The following MYBBP1A variants were observed in gnomAD, a reference collection of about 807,000 sequenced individuals.
MYBBP1A encodes MYB binding protein 1a.
MYBBP1A carries 147 observed loss-of-function variants against 136.3 expected under a neutral mutation model. The observed-to-expected ratio is 1.08, with a 90% CI of 0.94 to 1.24. The LOEUF (loss-of-function observed/expected upper bound fraction) is 1.24. Ranked by LOEUF, MYBBP1A falls within the 50% of genes most tolerant of loss-of-function variation. The probability of loss-of-function intolerance (pLI) is 0.00; values close to 1 mark genes in which losing one functional copy is unlikely to be tolerated. For synonymous variants in MYBBP1A, 947 were observed against 735.8 expected, an observed-to-expected ratio of 1.29 and a Z score of -4.65; for missense variants, 2,060 against 1,727.4, an observed-to-expected ratio of 1.19 and a Z score of -3.41.
At position 4,548,382 on chromosome 17, in the gene MYBBP1A, A is replaced by G; in HGVS notation, c.1557-72T>C. 6.2e-7 allele frequency: 1 copy of G among 1,603,016 alleles called. No homozygotes were observed. The highest frequency in any genetic ancestry group is 8.5e-7 in the Non-Finnish European group (1 of 1,174,114). On this transcript the variant is annotated intron_variant, in intron 11 of 25. Transcript: ENST00000254718. The surrounding 1 kb of genome is among the most constrained non-coding windows in gnomAD (Gnocchi z 4.2). ...GTAGCCGCCTCCCTCCGCCCTCCCC[A>G]GGGCTCGGTCTCCCGCCTCTCCAGG...
Position 4,542,778 on chromosome 17 carries a change from G to C in MYBBP1A, c.2893-37C>G, listed in dbSNP as rs769430279. On this transcript the variant is annotated intron_variant, in intron 20 of 25. Transcript: ENST00000254718. ...GAGAGCGAGCTGGGTGAGGCCAGGA[G>C]AGGGGTCCCTGGGATGGGAGCAGAG... 4.9e-5 allele frequency: 79 copies of C among 1,609,346 alleles called. No individual in the cohort carries two copies. The Middle Eastern group carries it at 1.2e-3, about 24-fold the overall frequency.
Position 4,554,865 on chromosome 17 carries a change from G to A in MYBBP1A, c.290C>T (p.Ala97Val), listed in dbSNP as rs776119158. ...TARPCYSLALAQLLQSFEDLP... is the reference protein window; with the variant it reads ...TARPCYSLALVQLLQSFEDLP... ...CTGCCAGGAGCACCACCTCACCTGT[G>A]CCAGGGCCAAACTGTAGCAGGGCCG... The change falls in exon 2 of 26, where the codon GCA becomes GTA. Residue 97 changes from alanine (A) to valine (V), a missense_variant. Ala to Val is a moderately conservative substitution (Grantham distance 64). Transcript: ENST00000254718. 12 of 1,613,298 alleles carry A rather than the reference G, an allele frequency of 7.4e-6. No homozygotes were observed. The highest frequency in any genetic ancestry group is 1.1e-5 in the South Asian group (1 of 91,064).
At chr17:4,544,680 G>GTGGGCGCACAGGGAGGCGGGGT in intron 18 of MYBBP1A, 34 bp from the exon 19 acceptor site, 1 of 1,465,614 alleles carries the variant, frequency 6.8e-7, no homozygotes. Flanking sequence ...CAACACGGGG[G>GTGGGCGCACAGGGAGGCGGGGT]TGGGCGCACA....
Position 4,548,516 on chromosome 17 carries a change from A to G in MYBBP1A, c.1556+8T>C. ...CTTCGGACCTCTCCTGGGCTGCCCA[A>G]GACTCACCTGAAGAAGGCACTGCTG... On this transcript the variant is annotated splice_region_variant and intron_variant, in intron 11 of 25. Transcript: ENST00000254718. This position sits in a 1 kb window ranked among gnomAD's most constrained non-coding sequence, Gnocchi z 4.2. The G allele has an allele frequency of 6.2e-7, 1 of 1,613,946 alleles. No individual in the cohort carries two copies. Among genetic ancestry groups the G allele is most frequent in the Non-Finnish European group, 8.5e-7 (1 of 1,180,032 alleles).
intron 13 of MYBBP1A, among the ~76,000 whole-genome samples, chr17:4,547,494 C>T (rs1396582597): frequency 2.0e-5 from 3 of 152,210 alleles, no homozygotes; most frequent in Non-Finnish European, 4.4e-5. Context: ...CCTACTCAGG[C>T]TACAGAAGAC....
chr17:4,540,648 C>G (rs903350351), intron 24 of MYBBP1A, among the ~76,000 whole-genome samples, 164 bp from the exon 25 acceptor site: 5 of 151,732 alleles, frequency 3.3e-5, no homozygotes, highest in African/African-American at 7.2e-5. Flanking sequence ...TGTCTCTTAC[C>G]GAGGGAGGAA....
rs764845828 is a variant in MYBBP1A, at chr17:4,542,612, T to G, written c.3018+4A>C. ...GAGGAAGCAGGGCAGGCCCCAACAC[T>G]CACCGGGTGCCGGGAGAAGAGGCTG... On this transcript the variant is annotated splice_donor_region_variant and intron_variant, in intron 21 of 25. Coordinates refer to ENST00000254718, the MANE Select transcript of MYBBP1A (RefSeq NM_014520.4). 6.2e-7 allele frequency: 1 copy of G among 1,613,712 alleles called. No homozygotes were observed.
At chr17:4,543,238 A>G in intron 19 of MYBBP1A, 73 bp from the exon 20 acceptor site, 1 of 1,494,376 alleles carries the variant, frequency 6.7e-7, no homozygotes, top group Non-Finnish European at 8.9e-7. Context: ...GAGCCAACCC[A>G]AGTCCCACTT....
At position 4,555,206 on chromosome 17, in the gene MYBBP1A, CAGA is replaced by C. The variant is rs773492683; in HGVS notation, c.116_118del (p.Phe39del). 1.2e-5 allele frequency: 20 copies of C among 1,610,926 alleles called. No individual in the cohort carries two copies. Among genetic ancestry groups the C allele is most frequent in the Non-Finnish European group, 1.4e-5 (17 of 1,179,032 alleles). Reference sequence around the variant, plus strand: ...CTCCTGCTCAGGCTTCGCAATGTCCCAGAAGAAGTCCAAGAACTCGCGACTGTG... The same window carrying C: ...CTCCTGCTCAGGCTTCGCAATGTCCCAGAAGTCCAAGAACTCGCGACTGTG... On this transcript the variant is annotated inframe_deletion, in exon 1 of 26. Coordinates refer to ENST00000254718, the MANE Select transcript of MYBBP1A (RefSeq NM_014520.4).
Position 4,548,958 on chromosome 17 carries a change from T to C in MYBBP1A, c.1431-309A>G, listed in dbSNP as rs987883138. ...TGTGGTCATGGCCAAGTCAGGTCACTGCTCCTGCGAACATGGGACAGCCCC... is the reference window on the plus strand; with the variant it reads ...TGTGGTCATGGCCAAGTCAGGTCACCGCTCCTGCGAACATGGGACAGCCCC... On this transcript the variant is annotated intron_variant, in intron 10 of 25. Transcript: ENST00000254718. This position sits in a 1 kb window ranked among gnomAD's most constrained non-coding sequence, Gnocchi z 4.2. Among the ~76,000 whole-genome samples the C allele has an allele frequency of 6.6e-6, 1 of 152,258 alleles. No individual in the cohort carries two copies. Among genetic ancestry groups the C allele is most frequent in the Non-Finnish European group, 1.5e-5 (1 of 68,042 alleles).
chr17:4,543,951 CTGCGAGGG>C, intron 19 of MYBBP1A, among the ~76,000 whole-genome samples: 1 of 152,302 alleles, frequency 6.6e-6, no homozygotes, highest in East Asian at 1.9e-4. Flanking sequence ...GGGTCAGGGC[CTGCGAGGG>C]TGCGGGGGTC....
intron 25 of MYBBP1A, 42 bp from the exon 26 acceptor site, chr17:4,540,009 C>G (rs756236496): frequency 6.4e-7 from 1 of 1,573,394 alleles, no homozygotes; most frequent in African/African-American, 1.3e-5. Context: ...CCATCGAGGG[C>G]AGCAGCCACC....
chr17:4,540,726 C>T (rs1396561399), intron 24 of MYBBP1A, among the ~76,000 whole-genome samples: 1 of 152,074 alleles, frequency 6.6e-6, no homozygotes, highest in Admixed American at 6.5e-5. Flanking sequence ...GTCTCGGTGT[C>T]CTCCCCTCCA....
chr17:4,550,275 C>T lies in MYBBP1A; in HGVS notation c.1102G>A (p.Glu368Lys), dbSNP rs776770334. 2 of 1,613,578 alleles carry T rather than the reference C, an allele frequency of 1.2e-6. No homozygotes were observed. The highest frequency in any genetic ancestry group is 1.7e-6 in the Non-Finnish European group (2 of 1,180,010). ...GCCACTAGCACGGCCAGCTGCCGCT[C>T]AGGGTCATCCTGGCACCCCTCTAGG... ...TFLEGCQDDP[E>K]RQLAVLVAFS... Residue 368 changes from glutamate to lysine, a missense_variant, in exon 9 of 26, where the codon GAG becomes AAG. Coordinates refer to ENST00000254718, the MANE Select transcript of MYBBP1A (RefSeq NM_014520.4).
Position 4,548,328 on chromosome 17 carries a change from C to T in MYBBP1A, c.1557-18G>A. On this transcript the variant is annotated intron_variant, in intron 11 of 25. Coordinates refer to ENST00000254718, the MANE Select transcript of MYBBP1A (RefSeq NM_014520.4). The surrounding 1 kb of genome is among the most constrained non-coding windows in gnomAD (Gnocchi z 4.2). The stretch of plus-strand genomic sequence containing the variant: ...GCAACAGACTGGGCAAGGGATGGGG[C>T]TTGGGGTCAGCAGACCAGATGAGTC... 1 of 1,610,282 alleles carries T rather than the reference C, an allele frequency of 6.2e-7. No individual in the cohort carries two copies. Among genetic ancestry groups the T allele is most frequent in the Non-Finnish European group, 8.5e-7 (1 of 1,179,170 alleles).
rs555097950 is a variant in MYBBP1A, at chr17:4,546,223, A to G, written c.1825-281T>C. Among the ~76,000 whole-genome samples, 487 of 152,320 alleles carry G rather than the reference A, an allele frequency of 3.2e-3. 3 individuals are homozygous for G. The highest frequency in any genetic ancestry group is 5.7e-3 in the Non-Finnish European group (386 of 68,028). On this transcript the variant is annotated intron_variant, in intron 13 of 25. Transcript: ENST00000254718. ...AACTTCTGCCTCCCAGGTTCAAGCC[A>G]TTCTCCTGCCTCAGCCTCCCAAGTA...
intron 16 of MYBBP1A, 21 bp from the exon 17 acceptor site, chr17:4,545,196 C>T (rs199732421): frequency 8.1e-4 from 1,305 of 1,613,118 alleles, no homozygotes; most frequent in Non-Finnish European, 1.1e-3. Context: ...GAGGCAGGCG[C>T]GTCACACACC....
At position 4,552,218 on chromosome 17, in the gene MYBBP1A, A is replaced by G; in HGVS notation, c.812T>C (p.Leu271Pro). ...DRKLPAIALDLLRLALKEDKF... is the reference protein window; with the variant it reads ...DRKLPAIALDPLRLALKEDKF... ...GTCTTCCTTGAGTGCCAGGCGGAGC[A>G]GGTCCAGAGCAATGGCGGGCAGCTT... The change falls in exon 7 of 26, where the codon CTG (leucine) becomes CCG (proline). Residue 271 changes from leucine (L) to proline (P), a missense_variant. Transcript: ENST00000254718. This position sits in a 1 kb window ranked among gnomAD's most constrained non-coding sequence, Gnocchi z 4.7. 2 of 1,614,224 alleles carry G rather than the reference A, an allele frequency of 1.2e-6. No individual in the cohort carries two copies. The highest frequency in any genetic ancestry group is 1.7e-6 in the Non-Finnish European group (2 of 1,180,036).
At position 4,547,944 on chromosome 17, in the gene MYBBP1A, C is replaced by T. The variant is rs1190994038; in HGVS notation, c.1824+14G>A. 2.7e-6 allele frequency: 4 copies of T among 1,469,504 alleles called. No individual in the cohort carries two copies. 91.0% of individuals were successfully genotyped at this position (1,469,504 alleles called of 1,614,324 possible). Reference sequence around the variant, plus strand: ...ACCCCAGGCTCACAGCCCCTCCCTCCCAGGCCCCAGTACCTTGAGGAGGTG... The same window carrying T: ...ACCCCAGGCTCACAGCCCCTCCCTCTCAGGCCCCAGTACCTTGAGGAGGTG... On this transcript the variant is annotated intron_variant, in intron 13 of 25. Coordinates refer to ENST00000254718, the MANE Select transcript of MYBBP1A (RefSeq NM_014520.4).
Sources: gnomAD v4.1 joint callset for allele counts (sites outside exome capture counted in the v4.1 genomes callset) on GRCh38, gnomAD v4.1.1 for gene constraint, Gnocchi (gnomAD v3.1) non-coding constraint, MANE v1.5 for transcripts, NCBI Gene and HGNC (gene_info 2026-07-23, HGNC 2026-07-21) for gene names.